Variants in CCDC141 observed in about 807,000 individuals in gnomAD.
CCDC141 encodes the protein coiled-coil domain-containing protein 141.
Under a neutral mutation model 181.0 loss-of-function variants are expected in CCDC141, and 168 were observed. The observed-to-expected ratio is 0.93, with a 90% CI of 0.82 to 1.05. The LOEUF (loss-of-function observed/expected upper bound fraction) is 1.05. CCDC141 is among the 50% of genes least tolerant of loss of function. The pLI is 0.00. For synonymous variants in CCDC141, 666 were observed against 642.3 expected, an observed-to-expected ratio of 1.04 and a Z score of -0.56; for missense variants, 1,902 against 1,788.5, an observed-to-expected ratio of 1.06 and a Z score of -1.14.
intron 5 of CCDC141, among the ~76,000 whole-genome samples, chr2:178,945,856 C>A (rs1380962556): frequency 6.6e-6 from 1 of 150,404 alleles, no homozygotes; most frequent in African/African-American, 2.4e-5. Context: ...CATGCGTGCA[C>A]ACACACACAC....
At chr2:178,882,828 T>A (rs1368340311) in intron 11 of CCDC141, among the ~76,000 whole-genome samples, 3 of 151,766 alleles carry the variant, frequency 2.0e-5, no homozygotes, top group Non-Finnish European at 4.4e-5. Context: ...TGATCTCGTA[T>A]TGGGAGTTGG....
chr2:178,957,559 G>A (rs1201522735), intron 5 of CCDC141, among the ~76,000 whole-genome samples: 1 of 152,190 alleles, frequency 6.6e-6, no homozygotes, highest in Non-Finnish European at 1.5e-5. Context: ...CAGCAATTGT[G>A]TTCCTTGGTA....
chr2:178,963,661 CT>C (rs761812931), intron 4 of CCDC141, among the ~76,000 whole-genome samples: 353 of 141,948 alleles, frequency 2.5e-3, no homozygotes, highest in African/African-American at 4.2e-3. Flanking sequence ...TCAATTGACA[CT>C]TTTTTTTTTT....
intron 2 of CCDC141, among the ~76,000 whole-genome samples, chr2:179,003,475 T>G (rs2042040345): frequency 6.6e-6 from 1 of 152,232 alleles, no homozygotes; most frequent in Non-Finnish European, 1.5e-5. Context: ...TTATAAGATT[T>G]TGTGAAGATT....
At chr2:178,888,702 A>G in intron 8 of CCDC141, 34 bp from the exon 9 acceptor site, 1 of 1,548,934 alleles carries the variant, frequency 6.5e-7, no homozygotes, top group Non-Finnish European at 8.7e-7. Context: ...AATTCACTCC[A>G]CCCCAATATA....
intron 17 of CCDC141, among the ~76,000 whole-genome samples, chr2:178,858,853 G>C (rs1289705204): frequency 6.6e-6 from 1 of 152,080 alleles, no homozygotes; most frequent in Admixed American, 6.6e-5. Context: ...ATAACCATTG[G>C]ATTACATCTG....
chr2:178,867,452 C>T (rs1202398588), intron 16 of CCDC141, among the ~76,000 whole-genome samples: 1 of 152,160 alleles, frequency 6.6e-6, no homozygotes, highest in East Asian at 1.9e-4. Flanking sequence ...ATAAAAAATA[C>T]TAATGTGATT....
intron 2 of CCDC141, among the ~76,000 whole-genome samples, chr2:179,013,847 A>C (rs2042342797): frequency 6.7e-6 from 1 of 148,936 alleles, no homozygotes; most frequent in Admixed American, 6.9e-5. Context: ...AGTCCAAGCT[A>C]CTTGGGAGGC....
intron 2 of CCDC141, among the ~76,000 whole-genome samples, chr2:179,006,118 C>A (rs1360081405): frequency 6.6e-6 from 1 of 152,218 alleles, no homozygotes. Context: ...AAGGCTGAAA[C>A]AATGGCCCAT....
At chr2:178,916,724 T>TAACACTATTCTAACACAA (rs1688466803) in intron 7 of CCDC141, among the ~76,000 whole-genome samples, 2 of 152,164 alleles carry the variant, frequency 1.3e-5, no homozygotes, top group Non-Finnish European at 2.9e-5. Context: ...AACACTATTC[T>TAACACTATTCTAACACAA]GAGTGCCACT....
chr2:179,004,686 A>G (rs1009360617), intron 2 of CCDC141, among the ~76,000 whole-genome samples: 11 of 152,170 alleles, frequency 7.2e-5, no homozygotes, highest in African/African-American at 2.7e-4. Flanking sequence ...TGTCCTCTCT[A>G]GTAAGTATCT....
intron 2 of CCDC141, among the ~76,000 whole-genome samples, chr2:179,015,867 ATATCTCATATG>A (rs796860050): frequency 0.078 from 11,100 of 142,782 alleles, 703 homozygotes; most frequent in Admixed American, 0.15. Flanking sequence ...TATCTCATAT[ATATCTCATATG>A]TATCATATAT....
In CCDC141 at chr2:178,995,817, A is replaced by G. The variant is rs368566581; in HGVS notation, c.226-17142T>C. Among the ~76,000 whole-genome samples the G allele has an allele frequency of 1.1e-4, 17 of 152,306 alleles. 1 individual carries two copies. In the East Asian group the frequency reaches 3.3e-3, roughly 29 times the overall value. ...TGTATATTTTCTTACCTAGCTATTT[A>G]AGAGCATAATAACTGGATATTTGAT... On this transcript the variant is annotated intron_variant, in intron 2 of 23. Transcript: ENST00000443758.
rs528123954 is a variant in CCDC141, at chr2:178,841,296, ACTTAT to A, written c.3475-3557_3475-3553del. On this transcript the variant is annotated intron_variant, in intron 22 of 23. Coordinates refer to ENST00000443758, the MANE Select transcript of CCDC141 (RefSeq NM_173648.4). ...ACCCTCATTCAGTACACATTTCTCC[ACTTAT>A]CTTAAGAGAGCATCATAAGTGTGTT... Among the ~76,000 whole-genome samples, 204 of 152,354 alleles carry A rather than the reference ACTTAT, an allele frequency of 1.3e-3. 1 individual carries two copies. The highest frequency in any genetic ancestry group is 4.7e-3 in the African/African-American group (194 of 41,594).
intron 6 of CCDC141, among the ~76,000 whole-genome samples, chr2:178,937,158 T>C (rs1316686299): frequency 6.6e-6 from 1 of 152,212 alleles, no homozygotes. Context: ...AGGGCATCCT[T>C]GTCTTATGCC....
chr2:178,837,373 T>C lies in CCDC141; in HGVS notation c.3846A>G (p.Thr1282=), dbSNP rs1401861703. 1 of 1,613,998 alleles carries C rather than the reference T, an allele frequency of 6.2e-7. No individual in the cohort carries two copies. Among genetic ancestry groups the C allele is most frequent in the Non-Finnish European group, 8.5e-7 (1 of 1,179,962 alleles). Residue 1282 remains threonine (T), a synonymous_variant, in exon 23 of 24, where the codon ACA becomes ACG. Transcript: ENST00000443758. The part of the protein sequence containing the change: ...FADACNDKRE[T]FSSHFERPYL... Reference sequence around the variant, plus strand: ...AAGGCCTCTCAAAATGACTTGAAAATGTTTCTCTCTTATCATTGCATGCAT... The same window carrying C: ...AAGGCCTCTCAAAATGACTTGAAAACGTTTCTCTCTTATCATTGCATGCAT...
At chr2:178,978,188 C>A (rs1691208694) in intron 3 of CCDC141, among the ~76,000 whole-genome samples, 1 of 152,138 alleles carries the variant, frequency 6.6e-6, no homozygotes, top group South Asian at 2.1e-4. Context: ...TGTATTACTA[C>A]CTTCTATAGA....
intron 7 of CCDC141, among the ~76,000 whole-genome samples, chr2:178,914,479 G>A (rs1045015862): frequency 6.6e-6 from 1 of 152,132 alleles, no homozygotes; most frequent in Non-Finnish European, 1.5e-5. Flanking sequence ...CCAAACATCC[G>A]TATCTCAAGC....
rs1379896596 is a variant in CCDC141, at chr2:179,049,954, C to G, written c.-13G>C. On this transcript the variant is annotated 5_prime_UTR_variant, in exon 1 of 24. Transcript: ENST00000443758. Reference sequence around the variant, plus strand: ...CTTGGCTGGACATGGTACTTTAGAACCAGAGTTTATACTTTGGGCAGCCTC... The same window carrying G: ...CTTGGCTGGACATGGTACTTTAGAAGCAGAGTTTATACTTTGGGCAGCCTC... 6.5e-7 allele frequency: 1 copy of G among 1,550,266 alleles called. No individual in the cohort carries two copies. Among genetic ancestry groups the G allele is most frequent in the Non-Finnish European group, 8.7e-7 (1 of 1,146,834 alleles).
Sources: allele counts gnomAD v4.1 joint callset (sites outside exome capture counted in the v4.1 genomes callset), GRCh38; gene constraint gnomAD v4.1.1; transcripts MANE v1.5; gene names NCBI Gene and HGNC (gene_info 2026-07-23, HGNC 2026-07-21).